PIP5K1B: variants seen among roughly 807,000 people sequenced by gnomAD.
The protein encoded by PIP5K1B is phosphatidylinositol 4-phosphate 5-kinase type-1 beta.
A neutral mutation model predicts 67.0 loss-of-function variants in PIP5K1B; 42 were observed. The ratio of observed to expected loss-of-function variants is 0.63; its 90% CI spans 0.49 to 0.81. PIP5K1B has a LOEUF of 0.81. Among genes scored for constraint, PIP5K1B ranks in the 30% least tolerant of loss-of-function variants. PIP5K1B has a pLI of 0.00. For missense variants in PIP5K1B, 459 were observed against 646.3 expected (o/e 0.71, Z 3.14); for synonymous variants, 214 against 231.4 (o/e 0.92, Z 0.68).
intron 1 of PIP5K1B, among the ~76,000 whole-genome samples, chr9:68,711,819 G>A (rs549667521): frequency 6.6e-5 from 10 of 152,240 alleles, no homozygotes; most frequent in Admixed American, 1.3e-4. Context: ...TTCAGTAAGC[G>A]TAGTTCTCAA....
chr9:68,772,335 G>C (rs941244721), intron 2 of PIP5K1B, among the ~76,000 whole-genome samples: 3 of 152,200 alleles, frequency 2.0e-5, no homozygotes, highest in Non-Finnish European at 4.4e-5. Flanking sequence ...GGTTCAACCT[G>C]TTTGTCAGGC....
At chr9:68,777,087 A>G (rs550404771) in intron 2 of PIP5K1B, among the ~76,000 whole-genome samples, 5 of 152,314 alleles carry the variant, frequency 3.3e-5, no homozygotes, top group Admixed American at 2.6e-4. Flanking sequence ...GGGCACTCTA[A>G]ATAATAATAA....
At chr9:68,982,937 C>T (rs1731406495) in intron 14 of PIP5K1B, among the ~76,000 whole-genome samples, 1 of 152,130 alleles carries the variant, frequency 6.6e-6, no homozygotes, top group African/African-American at 2.4e-5. Flanking sequence ...CATACATACT[C>T]CTGCATACAG....
chr9:68,929,844 A>AT (rs1826905130), intron 12 of PIP5K1B, among the ~76,000 whole-genome samples: 1 of 152,004 alleles, frequency 6.6e-6, no homozygotes, highest in South Asian at 2.1e-4. Context: ...TAATGTTTGT[A>AT]TTTTTAGTAG....
At chr9:69,004,333 GTTTT>G (rs1249790500) in intron 15 of PIP5K1B, among the ~76,000 whole-genome samples, 1 of 125,582 alleles carries the variant, frequency 8.0e-6, no homozygotes, top group African/African-American at 3.1e-5. Flanking sequence ...GTGTGTGTGT[GTTTT>G]TGTGTGTGTG....
chr9:69,005,762 T>G (rs117772254), intron 15 of PIP5K1B, among the ~76,000 whole-genome samples: 1,888 of 145,858 alleles, frequency 0.013, 18 homozygotes, highest in Non-Finnish European at 0.018. Flanking sequence ...AGTGCCCAAG[T>G]CCTCTCTACT....
intron 7 of PIP5K1B, among the ~76,000 whole-genome samples, chr9:68,893,333 C>CTTTTTTTTTTTTTTTTTTT (rs397792694): frequency 9.0e-6 from 1 of 110,954 alleles, no homozygotes; most frequent in Non-Finnish European, 1.7e-5. Flanking sequence ...TATTTTTTTT[C>CTTTTTTTTTTTTTTTTTTT]TTTTTTTTTT....
chr9:68,916,425 T>C (rs1826095074), intron 8 of PIP5K1B, among the ~76,000 whole-genome samples: 1 of 152,238 alleles, frequency 6.6e-6, no homozygotes, highest in Non-Finnish European at 1.5e-5. Flanking sequence ...TTTCAGAGCA[T>C]TGCCATCTCT....
intron 14 of PIP5K1B, among the ~76,000 whole-genome samples, chr9:68,962,529 T>G (rs1438382076): frequency 6.6e-6 from 1 of 152,226 alleles, no homozygotes; most frequent in Non-Finnish European, 1.5e-5. Flanking sequence ...TTATTGTTGT[T>G]ACTTGCTGTA....
At chr9:68,981,105 T>C (rs575038964) in intron 14 of PIP5K1B, among the ~76,000 whole-genome samples, 1 of 152,330 alleles carries the variant, frequency 6.6e-6, no homozygotes, top group South Asian at 2.1e-4. Flanking sequence ...GATATAAATA[T>C]GAACAGCCCT....
intron 9 of PIP5K1B, among the ~76,000 whole-genome samples, chr9:68,919,109 G>GA (rs1196771684): frequency 6.6e-6 from 1 of 152,024 alleles, no homozygotes; most frequent in South Asian, 2.1e-4. Context: ...CTTTTGATCA[G>GA]AAAAAAGTAT....
At chr9:68,816,596 A>G (rs949696650) in intron 2 of PIP5K1B, among the ~76,000 whole-genome samples, 4 of 152,222 alleles carry the variant, frequency 2.6e-5, no homozygotes, top group Admixed American at 6.5e-5. Context: ...CCACAAGTCA[A>G]TGTTTGGAAC....
chr9:68,798,527 T>G (rs145316089), intron 2 of PIP5K1B, among the ~76,000 whole-genome samples: 1 of 151,486 alleles, frequency 6.6e-6, no homozygotes, highest in Non-Finnish European at 1.5e-5. Flanking sequence ...AGCACCTGCT[T>G]TGGGTAGAGT....
chr9:68,992,067 G>A (rs978789895), intron 15 of PIP5K1B, among the ~76,000 whole-genome samples: 1 of 152,258 alleles, frequency 6.6e-6, no homozygotes, highest in African/African-American at 2.4e-5. Context: ...CCAGGTTCAA[G>A]CAATTCTCCT....
intron 11 of PIP5K1B, among the ~76,000 whole-genome samples, chr9:68,920,328 A>G (rs1021585762): frequency 5.3e-5 from 8 of 150,052 alleles, no homozygotes; most frequent in African/African-American, 2.0e-4. Context: ...TTCTACATCA[A>G]CATTTATACA....
intron 14 of PIP5K1B, among the ~76,000 whole-genome samples, chr9:68,990,672 A>AT (rs58671833): frequency 1.4e-4 from 21 of 146,040 alleles, no homozygotes; most frequent in South Asian, 2.3e-4. Context: ...AATACTATAT[A>AT]TTTTTTTTTT....
chr9:68,938,715 T>C (rs897336382), intron 13 of PIP5K1B, among the ~76,000 whole-genome samples: 8 of 152,216 alleles, frequency 5.3e-5, no homozygotes, highest in Non-Finnish European at 7.3e-5. Flanking sequence ...AGCTCATTCA[T>C]GTTGTCGGCA....
At chr9:68,822,715 C>T in intron 4 of PIP5K1B, 32 bp downstream of exon 4, 1 of 1,463,266 alleles carries the variant, frequency 6.8e-7, no homozygotes, top group South Asian at 1.2e-5. Context: ...TAAAGAGGAA[C>T]ACCGTTTTGC....
chr9:68,726,723 G>C (rs1353183538), intron 1 of PIP5K1B, among the ~76,000 whole-genome samples: 1 of 152,180 alleles, frequency 6.6e-6, no homozygotes, highest in South Asian at 2.1e-4. Context: ...GTTAAAAGTT[G>C]CTGGAATTCC....
Sources: allele counts gnomAD v4.1 joint callset (sites outside exome capture counted in the v4.1 genomes callset), GRCh38; gene constraint gnomAD v4.1.1; transcripts MANE v1.5; gene names NCBI Gene and HGNC (gene_info 2026-07-23, HGNC 2026-07-21).